The following RXFP1 variants were observed in gnomAD, a reference collection of about 807,000 sequenced individuals.
RXFP1 encodes relaxin receptor 1.
Under a neutral mutation model 89.8 loss-of-function variants are expected in RXFP1, and 73 were observed. The ratio of observed to expected loss-of-function variants is 0.81; its 90% CI spans 0.67 to 0.99. The LOEUF (loss-of-function observed/expected upper bound fraction) is 0.99. RXFP1 is among the 50% of genes least tolerant of loss of function. The pLI is 0.00. For missense variants in RXFP1, 793 were observed against 895.5 expected, an observed-to-expected ratio of 0.89 and a Z score of 1.46; for synonymous variants, 277 against 305.5, an observed-to-expected ratio of 0.91 and a Z score of 0.97.
At chr4:158,561,975 A>G (rs185361879) in intron 1 of RXFP1, among the ~76,000 whole-genome samples, 141 of 152,196 alleles carry the variant, frequency 9.3e-4, no homozygotes, top group African/African-American at 3.0e-3. Context: ...AAAATCCAAT[A>G]AAACGTATTT....
intron 1 of RXFP1, among the ~76,000 whole-genome samples, chr4:158,541,350 G>A (rs867665737): frequency 1.4e-5 from 2 of 139,886 alleles, no homozygotes; most frequent in East Asian, 2.1e-4. Context: ...AGAGCTTCAT[G>A]CACACACACA....
At chr4:158,548,831 C>T (rs977002526) in intron 1 of RXFP1, among the ~76,000 whole-genome samples, 1 of 152,190 alleles carries the variant, frequency 6.6e-6, no homozygotes, top group African/African-American at 2.4e-5. Context: ...CTGTTAGTCT[C>T]ATGAGCTTCC....
At chr4:158,549,315 G>C (rs544832825) in intron 1 of RXFP1, among the ~76,000 whole-genome samples, 118 of 152,192 alleles carry the variant, frequency 7.8e-4, no homozygotes, top group Non-Finnish European at 1.6e-3. Flanking sequence ...CTCCTTTAAG[G>C]ACTTCTCTGT....
intron 9 of RXFP1, among the ~76,000 whole-genome samples, chr4:158,620,368 T>C (rs1765391727): frequency 6.6e-6 from 1 of 151,960 alleles, no homozygotes; most frequent in Non-Finnish European, 1.5e-5. Context: ...AGAAAAAGAA[T>C]AGAGGAAGAA....
chr4:158,525,663 G>A (rs1011603541), intron 1 of RXFP1, among the ~76,000 whole-genome samples: 21 of 152,144 alleles, frequency 1.4e-4, no homozygotes, highest in African/African-American at 4.6e-4. Context: ...GGGTGTAGTT[G>A]TTTTTCTATT....
At chr4:158,622,130 A>G (rs1181125671) in intron 9 of RXFP1, among the ~76,000 whole-genome samples, 4 of 152,080 alleles carry the variant, frequency 2.6e-5, no homozygotes, top group Non-Finnish European at 1.5e-5. Context: ...GGCCAACATG[A>G]TGAAACCCCA....
intron 1 of RXFP1, among the ~76,000 whole-genome samples, chr4:158,559,489 G>T (rs1477246079): frequency 1.3e-5 from 2 of 152,038 alleles, no homozygotes; most frequent in African/African-American, 4.8e-5. Flanking sequence ...ACAAATAAAG[G>T]CTAGACCCCC....
chr4:158,604,688 T>C (rs929873344), intron 4 of RXFP1, among the ~76,000 whole-genome samples: 8 of 152,228 alleles, frequency 5.3e-5, no homozygotes, highest in African/African-American at 1.9e-4. Context: ...AGAAATACAA[T>C]ATTTAATTTC....
intron 3 of RXFP1, among the ~76,000 whole-genome samples, chr4:158,594,501 CTT>C (rs35917907): frequency 6.9e-6 from 1 of 143,960 alleles, no homozygotes. Context: ...CTTTGTTTGA[CTT>C]TTTTTTTTTT....
intron 1 of RXFP1, among the ~76,000 whole-genome samples, chr4:158,544,710 T>G (rs1747781874): frequency 6.6e-6 from 1 of 152,076 alleles, no homozygotes; most frequent in African/African-American, 2.4e-5. Context: ...TGGTTTTTTG[T>G]CCTTGCAATA....
Position 158,548,105 on chromosome 4 carries a change from A to C in RXFP1, c.50-24593A>C, listed in dbSNP as rs571592377. On this transcript the variant is annotated intron_variant, in intron 1 of 17. Transcript: ENST00000307765. ...AGCCTAAGTCTCTTTGTAGGTCACT[A>C]AGGACTTGCTTTATGAATCTGGGTG... is the stretch of plus-strand genomic sequence containing the variant. 3.7e-4 allele frequency among the ~76,000 whole-genome samples: 57 copies of C among 152,272 alleles called. No individual in the cohort carries two copies. The South Asian group carries it at 6.6e-3, about 18-fold the overall frequency.
intron 2 of RXFP1, among the ~76,000 whole-genome samples, chr4:158,591,559 G>A (rs1759469222): frequency 6.7e-6 from 1 of 149,882 alleles, no homozygotes; most frequent in Non-Finnish European, 1.5e-5. Context: ...GACCAGCCTG[G>A]GCAACATAGC....
rs201022668 is a variant in RXFP1, at chr4:158,612,202, G to C, written c.608+1G>C. ...AAGATCTTCACAGACTAGAATGGCTGTATGTTTAATTTATGTGGCATTTTA... is the reference window on the plus strand; with the variant it reads ...AAGATCTTCACAGACTAGAATGGCTCTATGTTTAATTTATGTGGCATTTTA... On this transcript the variant is annotated splice_donor_variant, in intron 7 of 17. Transcript: ENST00000307765. LOFTEE classifies it high-confidence loss of function. 5.2e-5 allele frequency: 84 copies of C among 1,610,766 alleles called. No homozygotes were observed. Among genetic ancestry groups the C allele is most frequent in the Non-Finnish European group, 2.5e-5 (29 of 1,178,600 alleles).
intron 1 of RXFP1, among the ~76,000 whole-genome samples, chr4:158,550,751 T>C (rs540121531): frequency 6.6e-6 from 1 of 152,350 alleles, no homozygotes; most frequent in East Asian, 1.9e-4. Context: ...GGCACATTGG[T>C]TAAGAACACG....
chr4:158,611,887 T>A (rs562031055), intron 6 of RXFP1, among the ~76,000 whole-genome samples: 1 of 152,312 alleles, frequency 6.6e-6, no homozygotes, highest in South Asian at 2.1e-4. Flanking sequence ...GGGGTAAGTA[T>A]TCAAAATAGG....
At chr4:158,617,328 A>G (rs1426932914) in intron 9 of RXFP1, 123 bp downstream of exon 9, 4 of 600,368 alleles carry the variant, frequency 6.7e-6, no homozygotes, top group Non-Finnish European at 1.1e-5. Flanking sequence ...ATCATATCAC[A>G]TTTCCTCAAA....
At chr4:158,619,560 A>C (rs184971314) in intron 9 of RXFP1, among the ~76,000 whole-genome samples, 2 of 152,340 alleles carry the variant, frequency 1.3e-5, no homozygotes, top group East Asian at 3.9e-4. Context: ...AAGGGGATTT[A>C]GCTATCTTTA....
At chr4:158,640,747 C>T (rs946412370) in intron 14 of RXFP1, among the ~76,000 whole-genome samples, 1 of 151,914 alleles carries the variant, frequency 6.6e-6, no homozygotes, top group Non-Finnish European at 1.5e-5. Flanking sequence ...CAAGTGCTAC[C>T]AGATGAAGAG....
Position 158,644,294 on chromosome 4 carries a change from C to T in RXFP1, c.1116-615C>T, listed in dbSNP as rs527650476. Among the ~76,000 whole-genome samples the T allele has an allele frequency of 8.5e-5, 13 of 152,300 alleles. No homozygotes were observed. The South Asian group carries it at 2.7e-3, about 32-fold the overall frequency. On this transcript the variant is annotated intron_variant, in intron 14 of 17. Transcript: ENST00000307765. Reference sequence around the variant, plus strand: ...ATATCCTGACCTCGTGATCCACCCACCTCGGCCTCCCAAAGTGCTGGGATT... The same window carrying T: ...ATATCCTGACCTCGTGATCCACCCATCTCGGCCTCCCAAAGTGCTGGGATT...
Sources: allele counts gnomAD v4.1 joint callset (sites outside exome capture counted in the v4.1 genomes callset), GRCh38; gene constraint gnomAD v4.1.1; transcripts MANE v1.5; gene names NCBI Gene and HGNC (gene_info 2026-07-23, HGNC 2026-07-21).